PARN: variants seen among roughly 807,000 people sequenced by gnomAD.
The protein encoded by PARN is poly(A)-specific ribonuclease PARN.
Under a neutral mutation model 102.8 loss-of-function variants are expected in PARN, and 71 were observed. The observed-to-expected ratio is 0.69, with a 90% CI of 0.57 to 0.84. PARN has a LOEUF of 0.84. Ranked by LOEUF, PARN falls within the 40% of genes least tolerant of loss-of-function variation. The probability of loss-of-function intolerance (pLI) is 0.00; values close to 1 mark genes in which losing one functional copy is unlikely to be tolerated. For synonymous variants in PARN, 261 were observed against 252.9 expected (o/e 1.03, Z -0.30); for missense variants, 782 against 760.9 (o/e 1.03, Z -0.33).
chr16:14,616,043 C>T (rs147777546), intron 6 of PARN, among the ~76,000 whole-genome samples: 1 of 152,120 alleles, frequency 6.6e-6, no homozygotes, highest in African/African-American at 2.4e-5. Context: ...GATAAACCTC[C>T]TTCCCTCTTT....
chr16:14,584,608 T>C (rs1415681200), intron 15 of PARN, 141 bp downstream of exon 15: 9 of 757,982 alleles, frequency 1.2e-5, no homozygotes, highest in East Asian at 2.7e-5. Context: ...TTTTATAATA[T>C]ACAAAGTATA....
At chr16:14,450,294 C>T (rs1279326524) in intron 22 of PARN, among the ~76,000 whole-genome samples, 1 of 152,212 alleles carries the variant, frequency 6.6e-6, no homozygotes, top group Non-Finnish European at 1.5e-5. Context: ...CCTTAGTAGG[C>T]TTGCTTCTGT....
intron 18 of PARN, among the ~76,000 whole-genome samples, chr16:14,564,053 C>A (rs1326660718): frequency 2.0e-5 from 3 of 152,016 alleles, no homozygotes; most frequent in African/African-American, 7.3e-5. Flanking sequence ...TGGAGGCCGA[C>A]CCTAAGCTTC....
Position 14,599,912 on chromosome 16 carries a change from C to A in PARN, c.832G>T (p.Ala278Ser), listed in dbSNP as rs772291762. 1 of 1,600,714 alleles carries A rather than the reference C, an allele frequency of 6.2e-7. No homozygotes were observed. Among genetic ancestry groups the A allele is most frequent in the Non-Finnish European group, 8.5e-7 (1 of 1,171,920 alleles). ...AAGTCTGGCTCACTTACCGAATTAG[C>A]AATGGCGTGAATGACTCTAGAAAAT... ...VGFSRVIHAI[A>S]NSGKLVIGHN... The change falls in exon 12 of 24, where the codon GCT (alanine) becomes TCT (serine). Residue 278 changes from alanine (A) to serine (S), a missense_variant. Transcript: ENST00000437198.
chr16:14,519,017 G>A (rs1021976186), intron 21 of PARN, among the ~76,000 whole-genome samples: 2 of 151,896 alleles, frequency 1.3e-5, no homozygotes, highest in African/African-American at 4.8e-5. Context: ...GGTGGCGAAT[G>A]CACTGGTTTT....
At chr16:14,571,185 A>G (rs1287008033) in intron 18 of PARN, among the ~76,000 whole-genome samples, 3 of 152,050 alleles carry the variant, frequency 2.0e-5, no homozygotes, top group Admixed American at 1.3e-4. Flanking sequence ...GGAGTTCAAG[A>G]CCAGCCTAGC....
At chr16:14,459,209 T>C (rs962480750) in intron 22 of PARN, among the ~76,000 whole-genome samples, 48 of 152,154 alleles carry the variant, frequency 3.2e-4, no homozygotes, top group African/African-American at 1.2e-3. Context: ...ATGGGAAAAT[T>C]TGTACTGGGG....
chr16:14,450,781 G>A (rs1961412560), intron 22 of PARN, among the ~76,000 whole-genome samples: 1 of 152,056 alleles, frequency 6.6e-6, no homozygotes, highest in South Asian at 2.1e-4. Context: ...GCAATACCAA[G>A]AAGTAAAAAA....
intron 20 of PARN, 120 bp from the exon 21 acceptor site, chr16:14,552,215 T>C (rs1285079778): frequency 1.5e-6 from 1 of 647,670 alleles, no homozygotes; most frequent in Admixed American, 2.7e-5. Flanking sequence ...AGGTGCTTAT[T>C]TAAAATGTGA....
At chr16:14,441,559 C>T (rs996355181) in intron 23 of PARN, among the ~76,000 whole-genome samples, 3 of 152,208 alleles carry the variant, frequency 2.0e-5, no homozygotes, top group East Asian at 1.9e-4. Context: ...GAAGGGGGTA[C>T]GCCCTGGGGC....
rs895318305 is a variant in PARN, at chr16:14,499,667, A to G, written c.1481-16840T>C. Among the ~76,000 whole-genome samples the G allele has an allele frequency of 1.1e-3, 162 of 152,314 alleles. 1 individual carries two copies. The highest frequency in any genetic ancestry group is 4.3e-4 in the Non-Finnish European group (29 of 68,030). ...TTTTGTCTATTTAAACATTCATTGT[A>G]AAAACCAACTGGTTAGATAAAAAAG... On this transcript the variant is annotated intron_variant, in intron 21 of 23. Coordinates refer to ENST00000437198, the MANE Select transcript of PARN (RefSeq NM_002582.4).
intron 12 of PARN, among the ~76,000 whole-genome samples, chr16:14,596,710 T>C (rs1020555437): frequency 6.6e-6 from 1 of 151,638 alleles, no homozygotes; most frequent in Non-Finnish European, 1.5e-5. Context: ...ACTCCCAGCT[T>C]GGGGAACAGA....
At chr16:14,561,554 T>A (rs1036009822) in intron 18 of PARN, among the ~76,000 whole-genome samples, 2 of 152,236 alleles carry the variant, frequency 1.3e-5, no homozygotes, top group Non-Finnish European at 2.9e-5. Flanking sequence ...CTCATCCCTG[T>A]TAATCCCACT....
At chr16:14,477,789 G>A (rs1480256374) in intron 22 of PARN, among the ~76,000 whole-genome samples, 1 of 151,740 alleles carries the variant, frequency 6.6e-6, no homozygotes, top group Non-Finnish European at 1.5e-5. Context: ...AAGGGAAAAG[G>A]GAAAAGGGAA....
At chr16:14,583,250 C>T (rs2083286001) in intron 16 of PARN, among the ~76,000 whole-genome samples, 1 of 152,108 alleles carries the variant, frequency 6.6e-6, no homozygotes, top group South Asian at 2.1e-4. Context: ...TAACATAAAA[C>T]TATAACTCAT....
At chr16:14,497,310 C>T (rs563516837) in intron 21 of PARN, among the ~76,000 whole-genome samples, 1 of 152,238 alleles carries the variant, frequency 6.6e-6, no homozygotes, top group East Asian at 1.9e-4. Context: ...GCTTTGTGTT[C>T]TAAAAGGTTA....
chr16:14,438,862 C>A (rs1960826180), intron 23 of PARN, among the ~76,000 whole-genome samples: 1 of 152,090 alleles, frequency 6.6e-6, no homozygotes. Flanking sequence ...CTACAGGAGA[C>A]CCGGACCAGA....
chr16:14,509,980 G>A (rs1272951199), intron 21 of PARN, among the ~76,000 whole-genome samples: 1 of 152,090 alleles, frequency 6.6e-6, no homozygotes, highest in African/African-American at 2.4e-5. Context: ...TCGGTGGAGA[G>A]GACTAAATCC....
intron 21 of PARN, among the ~76,000 whole-genome samples, chr16:14,526,263 G>A (rs889927452): frequency 9.4e-5 from 14 of 148,700 alleles, no homozygotes; most frequent in Admixed American, 8.8e-4. Flanking sequence ...TGCAAGCTCC[G>A]CCTCCCGGGT....
Sources: gnomAD v4.1 joint callset for allele counts (sites outside exome capture counted in the v4.1 genomes callset) on GRCh38, gnomAD v4.1.1 for gene constraint, MANE v1.5 for transcripts, NCBI Gene and HGNC (gene_info 2026-07-23, HGNC 2026-07-21) for gene names.